Variants in RAP1A observed in about 807,000 individuals in gnomAD.
The protein encoded by RAP1A is ras-related protein Rap-1A.
A neutral mutation model predicts 26.4 loss-of-function variants in RAP1A; 6 were observed. The ratio of observed to expected loss-of-function variants is 0.23; its 90% CI spans 0.12 to 0.45. The LOEUF is 0.45. Among genes scored for constraint, RAP1A ranks in the 20% least tolerant of loss-of-function variants. The pLI is 0.99. For synonymous variants in RAP1A, 73 were observed against 79.4 expected, an observed-to-expected ratio of 0.92 and a Z score of 0.43; for missense variants, 121 against 217.2, an observed-to-expected ratio of 0.56 and a Z score of 2.78.
intron 1 of RAP1A, among the ~76,000 whole-genome samples, chr1:111,626,439 C>G (rs764199531): frequency 1.3e-5 from 2 of 151,698 alleles, no homozygotes; most frequent in Non-Finnish European, 2.9e-5. Flanking sequence ...GAAGTTGTTT[C>G]CTGGTTCAGC....
At chr1:111,689,936 A>G (rs1229709017) in intron 1 of RAP1A, among the ~76,000 whole-genome samples, 1 of 152,186 alleles carries the variant, frequency 6.6e-6, no homozygotes, top group African/African-American at 2.4e-5. Flanking sequence ...TCGACCTCCC[A>G]AAGTGCTGGG....
At chr1:111,554,265 A>G (rs1557847488) in intron 1 of RAP1A, among the ~76,000 whole-genome samples, 2 of 152,270 alleles carry the variant, frequency 1.3e-5, no homozygotes, top group African/African-American at 2.4e-5. Flanking sequence ...TAGAACTGTA[A>G]GAACCTGTGG....
At chr1:111,656,498 T>G (rs544798159) in intron 1 of RAP1A, among the ~76,000 whole-genome samples, 29 of 152,334 alleles carry the variant, frequency 1.9e-4, no homozygotes, top group African/African-American at 6.7e-4. Context: ...TTGTCCATAA[T>G]GCCATCTCCC....
chr1:111,691,232 C>T (rs1571564983), intron 1 of RAP1A, 102 bp from the exon 2 acceptor site: 2 of 697,076 alleles, frequency 2.9e-6, no homozygotes, highest in East Asian at 3.1e-5. Context: ...GATAGTCTTA[C>T]AAGGAAAAAA....
chr1:111,620,691 A>T (rs958020684), intron 1 of RAP1A, among the ~76,000 whole-genome samples: 1 of 152,064 alleles, frequency 6.6e-6, no homozygotes, highest in Non-Finnish European at 1.5e-5. Context: ...TCGCCTTTTC[A>T]GTGTTACTTT....
At chr1:111,647,866 T>C (rs1330282181) in intron 1 of RAP1A, among the ~76,000 whole-genome samples, 2 of 152,182 alleles carry the variant, frequency 1.3e-5, no homozygotes, top group African/African-American at 2.4e-5. Flanking sequence ...GTTAAGATCA[T>C]AGCTTTTAGA....
chr1:111,714,385 A>G lies in RAP1A; in HGVS notation c.*1984A>G, dbSNP rs1662473290. ...AAGATCATAGACAGACATCTCATCA[A>G]CCAGTAAAACTTTCTAAATACTACC... On this transcript the variant is annotated 3_prime_UTR_variant, in exon 8 of 8. Coordinates refer to ENST00000369709, the MANE Select transcript of RAP1A (RefSeq NM_002884.4). The G allele has an allele frequency of 6.6e-6, 1 of 152,218 alleles. No homozygotes were observed. The highest frequency in any genetic ancestry group is 2.4e-5 in the African/African-American group (1 of 41,456). 9.4% of individuals were successfully genotyped at this position (152,218 alleles called of 1,614,324 possible).
chr1:111,682,583 AG>A (rs1661331988), intron 1 of RAP1A, among the ~76,000 whole-genome samples: 1 of 152,168 alleles, frequency 6.6e-6, no homozygotes, highest in African/African-American at 2.4e-5. Context: ...AAAAAAAGAC[AG>A]TGGCATTACA....
intron 1 of RAP1A, among the ~76,000 whole-genome samples, chr1:111,642,020 G>A (rs976149378): frequency 2.2e-4 from 34 of 152,240 alleles, no homozygotes; most frequent in Admixed American, 9.8e-4. Flanking sequence ...CAAGGTGGGC[G>A]GATCACCTGA....
rs191396872 is a variant in RAP1A, at chr1:111,640,599, T to C, written c.-28+20665T>C. 2.5e-3 allele frequency among the ~76,000 whole-genome samples: 380 copies of C among 152,358 alleles called. 1 individual carries two copies. Among genetic ancestry groups the C allele is most frequent in the Non-Finnish European group, 4.5e-3 (303 of 68,022 alleles). On this transcript the variant is annotated intron_variant, in intron 1 of 7. Transcript: ENST00000369709. ...TACTAGCTCTTTTTTATAATTATTT[T>C]CCTATTCAAAGTAATAATAAAGTAA...
At chr1:111,589,039 T>C (rs1187208699) in intron 1 of RAP1A, among the ~76,000 whole-genome samples, 2 of 152,234 alleles carry the variant, frequency 1.3e-5, no homozygotes, top group East Asian at 3.8e-4. Flanking sequence ...TAATTAGATA[T>C]CTATATTTAT....
intron 1 of RAP1A, among the ~76,000 whole-genome samples, chr1:111,562,208 C>T (rs1657769608): frequency 6.6e-6 from 1 of 152,092 alleles, no homozygotes; most frequent in South Asian, 2.1e-4. Context: ...GAAATTTCTT[C>T]TGACCCCACC....
intron 1 of RAP1A, among the ~76,000 whole-genome samples, chr1:111,688,811 TTTTTTTTTTTG>T (rs1349500796): frequency 1.1e-3 from 83 of 74,678 alleles, no homozygotes; most frequent in South Asian, 1.8e-3. Flanking sequence ...TGTTTTTGTT[TTTTTTTTTTTG>T]TTTTTTTTTT....
chr1:111,588,345 A>G (rs561319110), intron 1 of RAP1A, among the ~76,000 whole-genome samples: 3 of 152,134 alleles, frequency 2.0e-5, no homozygotes, highest in South Asian at 4.1e-4. Context: ...TCTCTAATCT[A>G]TCTGCCACAC....
chr1:111,680,380 A>G (rs1429521351), intron 1 of RAP1A, among the ~76,000 whole-genome samples: 2 of 152,018 alleles, frequency 1.3e-5, no homozygotes, highest in African/African-American at 4.8e-5. Context: ...CATTTTACAG[A>G]ATGCTGGTTG....
At chr1:111,680,351 C>A (rs1661253460) in intron 1 of RAP1A, among the ~76,000 whole-genome samples, 1 of 152,166 alleles carries the variant, frequency 6.6e-6, no homozygotes, top group Non-Finnish European at 1.5e-5. Flanking sequence ...TGTCCCTGCC[C>A]ATGTCCTGCT....
rs867923936 is a variant in RAP1A at position 111,691,382 on chromosome 1, G to A, written c.22G>A (p.Val8Ile). MREYKLVVLGSGGVGKSA... is the reference protein window; with the variant it reads MREYKLVILGSGGVGKSA... ...CATCATGCGTGAGTACAAGCTAGTG[G>A]TCCTTGGTTCAGGAGGCGTTGGGAA... The change falls in exon 2 of 8, where the codon GTC becomes ATC. Residue 8 changes from valine (V) to isoleucine (I), a missense_variant. By Grantham distance (29) the Val-to-Ile change is conservative (BLOSUM62 3). Coordinates refer to ENST00000369709, the MANE Select transcript of RAP1A (RefSeq NM_002884.4). The A allele has an allele frequency of 6.2e-7, 1 of 1,613,728 alleles. No homozygotes were observed. The highest frequency in any genetic ancestry group is 1.1e-5 in the South Asian group (1 of 91,074).
intron 1 of RAP1A, chr1:111,648,985 G>A: frequency 1.6e-6 from 1 of 632,200 alleles, no homozygotes; most frequent in Non-Finnish European, 3.0e-6. Flanking sequence ...TCTGGCTTCA[G>A]CTGCAGCCAA....
intron 6 of RAP1A, among the ~76,000 whole-genome samples, chr1:111,706,167 T>C (rs895477694): frequency 1.3e-5 from 2 of 152,198 alleles, no homozygotes; most frequent in Admixed American, 1.3e-4. Context: ...CAAGAATCTT[T>C]ACTTTTTGGA....
Sources: gnomAD v4.1 joint callset for allele counts (sites outside exome capture counted in the v4.1 genomes callset) on GRCh38, gnomAD v4.1.1 for gene constraint, MANE v1.5 for transcripts, NCBI Gene and HGNC (gene_info 2026-07-23, HGNC 2026-07-21) for gene names.